PLA2G4A: variants seen among roughly 807,000 people sequenced by gnomAD.
PLA2G4A encodes cytosolic phospholipase A2.
In PLA2G4A, 40 loss-of-function variants were observed where a neutral mutation model predicts 81.9. The observed-to-expected ratio is 0.49, with a 90% CI of 0.38 to 0.64. The LOEUF (loss-of-function observed/expected upper bound fraction) is 0.64. Among genes scored for constraint, PLA2G4A ranks in the 30% least tolerant of loss-of-function variants. PLA2G4A has a pLI of 0.00. For synonymous variants in PLA2G4A, 302 were observed against 296.9 expected (o/e 1.02, Z -0.18); for missense variants, 715 against 905.1 (o/e 0.79, Z 2.69).
At chr1:186,854,907 A>G (rs932947981) in intron 2 of PLA2G4A, among the ~76,000 whole-genome samples, 3 of 151,976 alleles carry the variant, frequency 2.0e-5, no homozygotes, top group Admixed American at 2.0e-4. Flanking sequence ...GTGGAAGTAT[A>G]CATGCTCTCT....
At chr1:186,942,753 C>G (rs1656196742) in intron 10 of PLA2G4A, among the ~76,000 whole-genome samples, 1 of 151,996 alleles carries the variant, frequency 6.6e-6, no homozygotes, top group Non-Finnish European at 1.5e-5. Flanking sequence ...TGAAAAAATG[C>G]TGTTTTATAT....
At chr1:186,866,809 T>C (rs1571347307) in intron 2 of PLA2G4A, among the ~76,000 whole-genome samples, 1 of 152,126 alleles carries the variant, frequency 6.6e-6, no homozygotes, top group African/African-American at 2.4e-5. Context: ...ATTGAGATGG[T>C]TCCTTTTGTG....
At chr1:186,855,994 T>C (rs1652536555) in intron 2 of PLA2G4A, among the ~76,000 whole-genome samples, 1 of 152,040 alleles carries the variant, frequency 6.6e-6, no homozygotes, top group Non-Finnish European at 1.5e-5. Context: ...TCTTCAAGAA[T>C]ATCCTGTCTA....
chr1:186,950,621 C>A, intron 12 of PLA2G4A, 36 bp from the exon 13 acceptor site: 1 of 1,176,668 alleles, frequency 8.5e-7, no homozygotes. Flanking sequence ...ATTTTGACAC[C>A]TGAAATGCTT....
intron 3 of PLA2G4A, among the ~76,000 whole-genome samples, chr1:186,891,162 T>C (rs1654123495): frequency 6.6e-6 from 1 of 152,168 alleles, no homozygotes; most frequent in Admixed American, 6.5e-5. Context: ...TACTTTTACT[T>C]TTTAATTTTT....
chr1:186,924,798 T>A (rs67896462), intron 7 of PLA2G4A, among the ~76,000 whole-genome samples: 24,635 of 152,152 alleles, frequency 0.16, 3,200 homozygotes, highest in African/African-American at 0.36. Context: ...CAGGGTGTGG[T>A]TGCTCTCACC....
chr1:186,855,409 T>C (rs1652516474), intron 2 of PLA2G4A, among the ~76,000 whole-genome samples: 1 of 152,036 alleles, frequency 6.6e-6, no homozygotes, highest in Non-Finnish European at 1.5e-5. Context: ...TCTCTTTTTT[T>C]AATAAATTGA....
intron 9 of PLA2G4A, 98 bp downstream of exon 9, chr1:186,939,328 A>T: frequency 1.8e-6 from 1 of 554,570 alleles, no homozygotes; most frequent in Non-Finnish European, 3.1e-6. Context: ...ACATTTTATA[A>T]AAGTCAGTGG....
At chr1:186,930,121 C>A (rs192543634) in intron 7 of PLA2G4A, among the ~76,000 whole-genome samples, 2 of 151,986 alleles carry the variant, frequency 1.3e-5, no homozygotes, top group South Asian at 2.1e-4. Context: ...AACAAACAAA[C>A]GGAGTAATAG....
At chr1:186,865,894 A>G (rs1268471652) in intron 2 of PLA2G4A, among the ~76,000 whole-genome samples, 2 of 152,148 alleles carry the variant, frequency 1.3e-5, no homozygotes, top group East Asian at 1.9e-4. Context: ...GAAATGAAAA[A>G]TTGTCTTGGT....
At chr1:186,872,461 T>C (rs1366731500) in intron 3 of PLA2G4A, among the ~76,000 whole-genome samples, 1 of 152,116 alleles carries the variant, frequency 6.6e-6, no homozygotes, top group Non-Finnish European at 1.5e-5. Context: ...CAGAGCTAAT[T>C]TGACTTTCAA....
chr1:186,969,958 C>T (rs976590268), intron 15 of PLA2G4A, among the ~76,000 whole-genome samples: 5 of 151,868 alleles, frequency 3.3e-5, no homozygotes, highest in African/African-American at 1.2e-4. Context: ...TATGGTAGTT[C>T]TATTTTTAGT....
At chr1:186,964,703 A>G (rs1000620497) in intron 14 of PLA2G4A, among the ~76,000 whole-genome samples, 18 of 152,328 alleles carry the variant, frequency 1.2e-4, no homozygotes, top group Non-Finnish European at 2.6e-4. Context: ...TTATCACGTT[A>G]TGAAGTGCCC....
chr1:186,877,808 T>A (rs1326113194), intron 3 of PLA2G4A, among the ~76,000 whole-genome samples: 1 of 148,846 alleles, frequency 6.7e-6, no homozygotes, highest in East Asian at 2.0e-4. Flanking sequence ...TATATGAAAG[T>A]GTGTGATTAT....
At chr1:186,884,728 A>C (rs10798066) in intron 3 of PLA2G4A, among the ~76,000 whole-genome samples, 40,484 of 151,716 alleles carry the variant, frequency 0.27, 7,923 homozygotes, top group East Asian at 0.54. Context: ...AAACACAAAA[A>C]ATTAGCTGAG....
chr1:186,830,936 A>AGCTTGCTT lies in PLA2G4A; in HGVS notation c.-70+1918_-70+1925dup, dbSNP rs148614012. The stretch of plus-strand genomic sequence containing the variant: ...TCCTCCTTCTTGCTCCAGATTGTAT[A>AGCTTGCTT]GCTTGCTTGCTTGCTTGCTTGCTTT... On this transcript the variant is annotated intron_variant, in intron 1 of 17. Coordinates refer to ENST00000367466, the MANE Select transcript of PLA2G4A (RefSeq NM_024420.3). Among the ~76,000 whole-genome samples the AGCTTGCTT allele has an allele frequency of 5.2e-3, 663 of 126,988 alleles. 9 individuals are homozygous for AGCTTGCTT. Among genetic ancestry groups the AGCTTGCTT allele is most frequent in the East Asian group, 0.012 (47 of 3,810 alleles). 83.3% of individuals were successfully genotyped at this position (126,988 alleles called of 152,430 possible).
In PLA2G4A at chr1:186,868,607, A is replaced by G. The variant is rs1405980141; in HGVS notation, c.34-1828A>G. On this transcript the variant is annotated intron_variant, in intron 2 of 17. Coordinates refer to ENST00000367466, the MANE Select transcript of PLA2G4A (RefSeq NM_024420.3). ...AGATAATCGATACAAGAATTGATAT[A>G]GTTTCCTCTTAAACATGTGGTAGAA... 2.0e-5 allele frequency among the ~76,000 whole-genome samples: 3 copies of G among 152,206 alleles called. No individual in the cohort carries two copies. The East Asian group carries it at 5.8e-4, about 29-fold the overall frequency.
intron 2 of PLA2G4A, among the ~76,000 whole-genome samples, chr1:186,858,600 T>G (rs142041423): frequency 1.3e-5 from 2 of 152,290 alleles, no homozygotes; most frequent in East Asian, 3.9e-4. Flanking sequence ...AGAGTATATT[T>G]AAAAATCAAA....
chr1:186,911,864 A>C (rs945661636), intron 7 of PLA2G4A, among the ~76,000 whole-genome samples: 1 of 152,134 alleles, frequency 6.6e-6, no homozygotes, highest in Non-Finnish European at 1.5e-5. Flanking sequence ...CCCGTGGTGC[A>C]ATTTAGTCCA....
Sources: gnomAD v4.1 joint callset for allele counts (sites outside exome capture counted in the v4.1 genomes callset) on GRCh38, gnomAD v4.1.1 for gene constraint, MANE v1.5 for transcripts, NCBI Gene and HGNC (gene_info 2026-07-23, HGNC 2026-07-21) for gene names.